Variants in BBX observed in about 807,000 individuals in gnomAD.
The protein encoded by BBX is HMG box transcription factor BBX.
BBX carries 30 observed loss-of-function variants against 100.2 expected under a neutral mutation model. The ratio of observed to expected loss-of-function variants is 0.30; its 90% confidence interval spans 0.22 to 0.41. The LOEUF (loss-of-function observed/expected upper bound fraction) is 0.41. Among genes scored for constraint, BBX ranks in the 10% least tolerant of loss-of-function variants. The pLI is 1.00. For missense variants in BBX, 1,023 were observed against 1,129.8 expected (o/e 0.91, Z 1.35); for synonymous variants, 376 against 388.1 (o/e 0.97, Z 0.37).
chr3:107,612,911 A>G (rs1480642497), intron 2 of BBX, among the ~76,000 whole-genome samples: 1 of 152,160 alleles, frequency 6.6e-6, no homozygotes, highest in African/African-American at 2.4e-5. Context: ...CCTGAGAGGT[A>G]TACATGGTGC....
chr3:107,700,942 T>C (rs1402560042), intron 3 of BBX, among the ~76,000 whole-genome samples: 2 of 151,822 alleles, frequency 1.3e-5, no homozygotes, highest in African/African-American at 4.9e-5. Flanking sequence ...TTATAATCCT[T>C]TGGGTATATA....
intron 2 of BBX, among the ~76,000 whole-genome samples, chr3:107,638,053 A>C (rs920210027): frequency 6.6e-6 from 1 of 152,068 alleles, no homozygotes; most frequent in Non-Finnish European, 1.5e-5. Flanking sequence ...AACTGGTACT[A>C]ACTACAGGCA....
At position 107,810,812 on chromosome 3, in the gene BBX, A is replaced by G. The variant is rs1576917610; in HGVS notation, c.*5355A>G. On this transcript the variant is annotated 3_prime_UTR_variant, in exon 18 of 18. Transcript: ENST00000325805. ...ATACCAGATTATAAACTCTTCTCGT[A>G]GGTTTGAATTGCTTACTCACATGTC... 1 of 152,324 alleles carries G rather than the reference A, an allele frequency of 6.6e-6. No individual in the cohort carries two copies. The highest frequency in any genetic ancestry group is 2.4e-5 in the African/African-American group (1 of 41,568). 9.4% of individuals were successfully genotyped at this position (152,324 alleles called of 1,614,324 possible).
At chr3:107,777,913 A>G (rs2067457334) in intron 12 of BBX, among the ~76,000 whole-genome samples, 1 of 152,168 alleles carries the variant, frequency 6.6e-6, no homozygotes. Flanking sequence ...GTAATTTAAT[A>G]AGCTTGATTA....
At chr3:107,698,424 G>A (rs930535113) in intron 3 of BBX, among the ~76,000 whole-genome samples, 46 of 151,580 alleles carry the variant, frequency 3.0e-4, no homozygotes, top group African/African-American at 9.0e-4. Context: ...AGGCTGAAGC[G>A]GGCGGCTCAC....
Position 107,805,580 on chromosome 3 carries a change from A to G in BBX, c.*123A>G, listed in dbSNP as rs112846938. ...TGCAAACAAGTGCTTGTTGCCCCACACGGCCCAGATTCACTTGAAGCAGAA... is the reference window on the plus strand; with the variant it reads ...TGCAAACAAGTGCTTGTTGCCCCACGCGGCCCAGATTCACTTGAAGCAGAA... On this transcript the variant is annotated 3_prime_UTR_variant, in exon 18 of 18. Transcript: ENST00000325805. 1.3e-6 allele frequency: 2 copies of G among 1,548,232 alleles called. No individual in the cohort carries two copies. Among genetic ancestry groups the G allele is most frequent in the Non-Finnish European group, 8.8e-7 (1 of 1,140,344 alleles).
intron 9 of BBX, among the ~76,000 whole-genome samples, chr3:107,749,207 T>TA (rs2107636787): frequency 6.6e-6 from 1 of 152,340 alleles, no homozygotes; most frequent in Non-Finnish European, 1.5e-5. Context: ...AAGATTTTGT[T>TA]ACAGTTTTCC....
chr3:107,774,911 G>A (rs2067203995), intron 12 of BBX, 54 bp downstream of exon 12: 1 of 1,575,626 alleles, frequency 6.3e-7, no homozygotes. Flanking sequence ...AGTGTGGGTG[G>A]GATTTTCAAG....
At chr3:107,703,388 C>T (rs564483598) in intron 3 of BBX, among the ~76,000 whole-genome samples, 3 of 152,234 alleles carry the variant, frequency 2.0e-5, no homozygotes, top group Non-Finnish European at 4.4e-5. Flanking sequence ...AGGTAGCTTT[C>T]GTCTCTGTTT....
At chr3:107,603,401 C>T (rs1021431808) in intron 2 of BBX, among the ~76,000 whole-genome samples, 14 of 151,866 alleles carry the variant, frequency 9.2e-5, no homozygotes, top group South Asian at 2.1e-4. Context: ...TTTTTTGAGA[C>T]GGAGTCTCGC....
intron 12 of BBX, 132 bp downstream of exon 12, chr3:107,774,989 T>C (rs999578034): frequency 2.9e-6 from 3 of 1,033,724 alleles, no homozygotes; most frequent in African/African-American, 1.6e-5. Flanking sequence ...ACAATCTTAG[T>C]AGGCACCCTA....
At chr3:107,556,778 C>T (rs1315741300) in intron 2 of BBX, among the ~76,000 whole-genome samples, 1 of 152,100 alleles carries the variant, frequency 6.6e-6, no homozygotes, top group African/African-American at 2.4e-5. Context: ...TTAAATTAAC[C>T]CGGAAGCTAG....
intron 2 of BBX, among the ~76,000 whole-genome samples, chr3:107,533,070 A>T (rs1270065799): frequency 6.6e-6 from 1 of 152,158 alleles, no homozygotes; most frequent in African/African-American, 2.4e-5. Context: ...GTAGTTTTCA[A>T]GCCTGCTTAG....
chr3:107,621,314 C>G (rs1006344441), intron 2 of BBX, among the ~76,000 whole-genome samples: 3 of 152,126 alleles, frequency 2.0e-5, no homozygotes, highest in Non-Finnish European at 4.4e-5. Context: ...AGGAAACGTA[C>G]CACTGTGTTG....
At chr3:107,628,693 A>G (rs922935640) in intron 2 of BBX, among the ~76,000 whole-genome samples, 2 of 152,164 alleles carry the variant, frequency 1.3e-5, no homozygotes, top group East Asian at 1.9e-4. Flanking sequence ...TGTGTCATCA[A>G]ATAGTTGGTT....
chr3:107,645,154 A>T (rs1203528361), intron 2 of BBX, among the ~76,000 whole-genome samples: 11 of 152,168 alleles, frequency 7.2e-5, no homozygotes, highest in Admixed American at 7.2e-4. Context: ...AAGAAACATA[A>T]ATGATAACTT....
chr3:107,675,593 G>A (rs1028202503), intron 3 of BBX, among the ~76,000 whole-genome samples: 1 of 152,112 alleles, frequency 6.6e-6, no homozygotes, highest in African/African-American at 2.4e-5. Context: ...ATACACTTAG[G>A]CAGCAGTTCC....
chr3:107,605,158 A>C (rs1028609967), intron 2 of BBX, among the ~76,000 whole-genome samples: 2 of 152,190 alleles, frequency 1.3e-5, no homozygotes, highest in Non-Finnish European at 1.5e-5. Flanking sequence ...CTATCATAAC[A>C]TTCTTGATTA....
chr3:107,695,675 G>T (rs969439519), intron 3 of BBX, among the ~76,000 whole-genome samples: 6 of 151,720 alleles, frequency 4.0e-5, no homozygotes, highest in African/African-American at 1.5e-4. Context: ...GTATTCTGTT[G>T]ATTTGGGGTG....
Sources: gnomAD v4.1 joint callset for allele counts (sites outside exome capture counted in the v4.1 genomes callset) on GRCh38, gnomAD v4.1.1 for gene constraint, MANE v1.5 for transcripts, NCBI Gene and HGNC (gene_info 2026-07-23, HGNC 2026-07-21) for gene names.